The following SEMA3A variants were observed in gnomAD, a reference collection of about 807,000 sequenced individuals.
The protein encoded by SEMA3A is semaphorin 3A, also known as semaphorin-3A.
A neutral mutation model predicts 97.9 loss-of-function variants in SEMA3A; 29 were observed. The ratio of observed to expected loss-of-function variants is 0.30; its 90% CI spans 0.22 to 0.40. The LOEUF is 0.40. Ranked by LOEUF, SEMA3A falls within the 10% of genes least tolerant of loss-of-function variation. The pLI, the probability that SEMA3A is intolerant of heterozygous loss-of-function variation, is 1.00. For synonymous variants in SEMA3A, 321 were observed against 323.7 expected (o/e 0.99, Z 0.09); for missense variants, 763 against 951.3 (o/e 0.80, Z 2.60).
intron 2 of SEMA3A, among the ~76,000 whole-genome samples, chr7:84,133,886 T>TAAAAA (rs60263065): frequency 1.3e-5 from 1 of 78,842 alleles, no homozygotes; most frequent in Admixed American, 1.5e-4. Flanking sequence ...TCGTCTCTAC[T>TAAAAA]AAAAAAAAAA....
At chr7:84,223,426 G>T (rs2189443) in intron 3 of SEMA3A, among the ~76,000 whole-genome samples, 1 of 151,770 alleles carries the variant, frequency 6.6e-6, no homozygotes, top group African/African-American at 2.4e-5. Context: ...GAGAGGTTAA[G>T]CCACTGACAA....
intron 5 of SEMA3A, among the ~76,000 whole-genome samples, chr7:84,050,727 G>C (rs903667663): frequency 6.6e-6 from 1 of 152,176 alleles, no homozygotes; most frequent in Non-Finnish European, 1.5e-5. Context: ...GATCCCATTT[G>C]TTGATTTTGG....
chr7:84,116,718 T>C (rs2115967181), intron 3 of SEMA3A, among the ~76,000 whole-genome samples: 1 of 152,186 alleles, frequency 6.6e-6, no homozygotes, highest in Middle Eastern at 3.4e-3. Flanking sequence ...GGAAGGACCA[T>C]GTGAAGAGGC....
At chr7:84,409,854 T>G (rs1407165166) in intron 1 of SEMA3A, among the ~76,000 whole-genome samples, 2 of 152,094 alleles carry the variant, frequency 1.3e-5, no homozygotes, top group Non-Finnish European at 2.9e-5. Context: ...TATGTACAAA[T>G]TTTATTTATT....
intron 13 of SEMA3A, among the ~76,000 whole-genome samples, chr7:83,983,152 G>T (rs780791569): frequency 6.6e-6 from 1 of 152,012 alleles, no homozygotes; most frequent in African/African-American, 2.4e-5. Context: ...GGGAAAAATA[G>T]ATTAAGTATT....
chr7:84,149,476 A>G (rs561716951), intron 1 of SEMA3A, among the ~76,000 whole-genome samples: 1 of 152,286 alleles, frequency 6.6e-6, no homozygotes, highest in African/African-American at 2.4e-5. Flanking sequence ...CTCTCCCAGG[A>G]CCCATTAAAT....
intron 3 of SEMA3A, among the ~76,000 whole-genome samples, chr7:84,214,567 G>T (rs140724407): frequency 7.2e-5 from 11 of 152,146 alleles, no homozygotes; most frequent in African/African-American, 2.4e-4. Context: ...TCTCACCTCA[G>T]AAGAGTTCCT....
chr7:84,237,071 G>T (rs1198830901), intron 3 of SEMA3A, among the ~76,000 whole-genome samples: 1 of 151,816 alleles, frequency 6.6e-6, no homozygotes, highest in Non-Finnish European at 1.5e-5. Context: ...AAATAAATCG[G>T]GAAAAGCAAT....
At chr7:84,254,872 C>G (rs1799683281) in intron 3 of SEMA3A, among the ~76,000 whole-genome samples, 1 of 151,972 alleles carries the variant, frequency 6.6e-6, no homozygotes, top group South Asian at 2.1e-4. Flanking sequence ...CACATATGAA[C>G]CAAAAGACAT....
At chr7:84,091,209 A>G (rs1794581497) in intron 4 of SEMA3A, among the ~76,000 whole-genome samples, 1 of 69,610 alleles carries the variant, frequency 1.4e-5, no homozygotes, top group Non-Finnish European at 3.1e-5. Context: ...AGAAAGAAAG[A>G]AAGAAAAGAA....
intron 5 of SEMA3A, among the ~76,000 whole-genome samples, chr7:84,051,122 A>G (rs1187294797): frequency 1.3e-5 from 2 of 149,492 alleles, no homozygotes; most frequent in African/African-American, 2.4e-5. Flanking sequence ...GCCTTGTAGT[A>G]TAGTTTGAAG....
At chr7:84,119,274 A>G (rs1795527538) in intron 3 of SEMA3A, among the ~76,000 whole-genome samples, 1 of 152,142 alleles carries the variant, frequency 6.6e-6, no homozygotes, top group South Asian at 2.1e-4. Flanking sequence ...TGGATAGTAC[A>G]GTATATTTTG....
Position 84,086,479 on chromosome 7 carries a change from A to ATATTATATTTACATATAATATAT in SEMA3A, c.453+23968_453+23990dup, listed in dbSNP as rs1562769962. On this transcript the variant is annotated intron_variant, in intron 4 of 16. Transcript: ENST00000265362. ...ATATTCATATATAATATGTATTATTATATTATATTTACATATAATATATTA... is the reference window on the plus strand; with the variant it reads ...ATATTCATATATAATATGTATTATTATATTATATTTACATATAATATATTATTATATTTACATATAATATATTA... Among the ~76,000 whole-genome samples the ATATTATATTTACATATAATATAT allele has an allele frequency of 9.7e-4, 48 of 49,354 alleles. 1 individual carries two copies. The highest frequency in any genetic ancestry group is 1.8e-3 in the African/African-American group (44 of 23,808). 32.4% of individuals were successfully genotyped at this position (49,354 alleles called of 152,430 possible).
intron 1 of SEMA3A, among the ~76,000 whole-genome samples, chr7:84,394,298 T>G (rs1462271602): frequency 3.3e-5 from 5 of 152,142 alleles, no homozygotes; most frequent in Admixed American, 2.0e-4. Context: ...TTTTAACTTC[T>G]ATGTGTTGAT....
intron 1 of SEMA3A, among the ~76,000 whole-genome samples, chr7:84,445,734 AT>A (rs1805397852): frequency 6.6e-6 from 1 of 151,852 alleles, no homozygotes; most frequent in South Asian, 2.1e-4. Context: ...TAAAGAGGAA[AT>A]TTATAGTTAT....
chr7:84,126,215 C>T (rs928933123), intron 3 of SEMA3A, among the ~76,000 whole-genome samples: 2 of 151,604 alleles, frequency 1.3e-5, no homozygotes, highest in African/African-American at 4.9e-5. Context: ...TTTTATTTTA[C>T]TTTTTTTTGA....
intron 5 of SEMA3A, among the ~76,000 whole-genome samples, chr7:84,052,097 A>C (rs1250250256): frequency 2.0e-5 from 3 of 151,844 alleles, no homozygotes; most frequent in East Asian, 2.0e-4. Flanking sequence ...TTGATGTGCT[A>C]CTGGATTCGG....
At chr7:84,312,872 T>TTA (rs377261705) in intron 2 of SEMA3A, among the ~76,000 whole-genome samples, 39 of 48,828 alleles carry the variant, frequency 8.0e-4, no homozygotes, top group Admixed American at 1.7e-3. Flanking sequence ...TGGTGTTGTT[T>TTA]TATATATATA....
chr7:84,054,769 G>A (rs939298271), intron 5 of SEMA3A, among the ~76,000 whole-genome samples: 8 of 147,314 alleles, frequency 5.4e-5, no homozygotes, highest in African/African-American at 2.0e-4. Flanking sequence ...CTTTGGAGGA[G>A]GAGAGGCGCT....
Sources: allele counts gnomAD v4.1 joint callset (sites outside exome capture counted in the v4.1 genomes callset), GRCh38; gene constraint gnomAD v4.1.1; transcripts MANE v1.5; gene names NCBI Gene and HGNC (gene_info 2026-07-23, HGNC 2026-07-21).